SLFN5: variants seen among roughly 807,000 people sequenced by gnomAD.
SLFN5 encodes schlafen family member 5.
Under a neutral mutation model 48.5 loss-of-function variants are expected in SLFN5, and 34 were observed. The observed-to-expected ratio is 0.70, with a 90% CI of 0.53 to 0.93. The LOEUF is 0.93. SLFN5 is among the 40% of genes least tolerant of loss of function. SLFN5 has a pLI of 0.00. For missense variants in SLFN5, 1,006 were observed against 1,071.3 expected (o/e 0.94, Z 0.85); for synonymous variants, 387 against 396.2 (o/e 0.98, Z 0.28).
intron 3 of SLFN5, among the ~76,000 whole-genome samples, chr17:35,262,262 C>T (rs912641664): frequency 6.6e-6 from 1 of 151,560 alleles, no homozygotes; most frequent in Non-Finnish European, 1.5e-5. Flanking sequence ...CGCCTGTGGT[C>T]CCAGCTCCTC....
At chr17:35,262,438 T>C (rs944751873) in intron 3 of SLFN5, among the ~76,000 whole-genome samples, 1 of 151,778 alleles carries the variant, frequency 6.6e-6, no homozygotes, top group Non-Finnish European at 1.5e-5. Flanking sequence ...AATAATTACT[T>C]GTAACTTTAG....
At position 35,271,560 on chromosome 17, in the gene SLFN5, T is replaced by C. The variant is rs1023902213; in HGVS notation, c.*5672T>C. 1.3e-5 allele frequency: 2 copies of C among 152,068 alleles called. No individual in the cohort carries two copies. Among genetic ancestry groups the C allele is most frequent in the African/African-American group, 4.8e-5 (2 of 41,422 alleles). The allele number at this position is 152,068 out of a possible 1,614,324, so 9.4% of individuals were successfully genotyped here. On this transcript the variant is annotated 3_prime_UTR_variant, in exon 5 of 5. Coordinates refer to ENST00000299977, the MANE Select transcript of SLFN5 (RefSeq NM_144975.4). ...TATAAGTTCTGCAACAATAAAACTATACAATGAAACTAAAGAGCACAAAAA... is the reference window on the plus strand; with the variant it reads ...TATAAGTTCTGCAACAATAAAACTACACAATGAAACTAAAGAGCACAAAAA...
intron 2 of SLFN5, among the ~76,000 whole-genome samples, chr17:35,260,076 A>G (rs1904476731): frequency 6.6e-6 from 1 of 152,168 alleles, no homozygotes; most frequent in South Asian, 2.1e-4. Flanking sequence ...TCACATGTAC[A>G]GATGTGTCCA....
intron 3 of SLFN5, among the ~76,000 whole-genome samples, chr17:35,263,449 CCT>C (rs1904578584): frequency 6.6e-6 from 1 of 152,040 alleles, no homozygotes; most frequent in African/African-American, 2.4e-5. Context: ...GTTTCTTGTC[CCT>C]GAGTGTTAGT....
intron 1 of SLFN5, among the ~76,000 whole-genome samples, chr17:35,247,338 C>T (rs1026146446): frequency 2.0e-5 from 3 of 152,180 alleles, no homozygotes; most frequent in Non-Finnish European, 4.4e-5. Context: ...GTGATGATGG[C>T]GGCTGACTCC....
chr17:35,261,931 G>A (rs552479546), intron 3 of SLFN5, among the ~76,000 whole-genome samples: 56 of 135,728 alleles, frequency 4.1e-4, no homozygotes, highest in African/African-American at 1.4e-3. Context: ...CACCCACCTC[G>A]GCCTCCCAAA....
At chr17:35,252,255 C>T (rs541272003) in intron 1 of SLFN5, among the ~76,000 whole-genome samples, 2 of 152,132 alleles carry the variant, frequency 1.3e-5, no homozygotes, top group South Asian at 4.2e-4. Flanking sequence ...TCTTGTAAGA[C>T]CCTATCTGTA....
chr17:35,258,189 T>C (rs1177974413), intron 1 of SLFN5, among the ~76,000 whole-genome samples: 2 of 152,206 alleles, frequency 1.3e-5, no homozygotes, highest in Non-Finnish European at 1.5e-5. Flanking sequence ...GGGAATTTCA[T>C]TCATCCATTT....
chr17:35,266,175 T>C lies in SLFN5; in HGVS notation c.*287T>C, dbSNP rs201494837. 0.039 allele frequency: 7,755 copies of C among 200,574 alleles called. 434 individuals are homozygous for C. Among genetic ancestry groups the C allele is most frequent in the African/African-American group, 0.17 (5,751 of 33,532 alleles). 12.4% of individuals were successfully genotyped at this position (200,574 alleles called of 1,614,324 possible). On this transcript the variant is annotated 3_prime_UTR_variant, in exon 5 of 5. Coordinates refer to ENST00000299977, the MANE Select transcript of SLFN5 (RefSeq NM_144975.4). ...GTGTGTGTGTGTGTGTGTGTGTGTGTGTGCGCGCGCGCACGTGCACATGTG... is the reference window on the plus strand; with the variant it reads ...GTGTGTGTGTGTGTGTGTGTGTGTGCGTGCGCGCGCGCACGTGCACATGTG...
intron 3 of SLFN5, among the ~76,000 whole-genome samples, chr17:35,263,593 C>T (rs1472053226): frequency 6.6e-6 from 1 of 151,804 alleles, no homozygotes. Flanking sequence ...GAGGCCCAGG[C>T]GGGCAGATCA....
intron 1 of SLFN5, among the ~76,000 whole-genome samples, chr17:35,250,466 C>T (rs947433759): frequency 6.6e-6 from 1 of 152,196 alleles, no homozygotes; most frequent in African/African-American, 2.4e-5. Context: ...ACCATCCTGG[C>T]TAAAACGGTG....
chr17:35,252,748 T>C (rs1449972498), intron 1 of SLFN5, among the ~76,000 whole-genome samples: 1 of 152,166 alleles, frequency 6.6e-6, no homozygotes, highest in African/African-American at 2.4e-5. Flanking sequence ...GAGAGTAGCC[T>C]AGTCCCTAGT....
In SLFN5 at chr17:35,265,230, G is replaced by A. The variant is rs748405351; in HGVS notation, c.2018G>A (p.Arg673Lys). The A allele has an allele frequency of 6.2e-7, 1 of 1,614,212 alleles. No homozygotes were observed. Among genetic ancestry groups the A allele is most frequent in the Non-Finnish European group, 8.5e-7 (1 of 1,180,040 alleles). Residue 673 changes from arginine to lysine, a missense_variant, in exon 5 of 5, where the codon AGG becomes AAG. Transcript: ENST00000299977. ...GCAAAGTTCATCACTCAGACAGCAA[G>A]GGATGGCCCAGGAGTTCTCTGGATC... Reference protein sequence around the residue: ...GKAKFITQTARDGPGVLWIFL... With the variant: ...GKAKFITQTAKDGPGVLWIFL...
At chr17:35,244,997 A>G (rs1388553458) in intron 1 of SLFN5, among the ~76,000 whole-genome samples, 2 of 152,168 alleles carry the variant, frequency 1.3e-5, no homozygotes, top group Admixed American at 1.3e-4. Context: ...CTGATTATGA[A>G]AATTCACACG....
Position 35,266,160 on chromosome 17 carries a change from G to T in SLFN5, c.*272G>T, listed in dbSNP as rs1904682507. ...CTCAGAGATGTGTGTGTGTGTGTGTGTGTGTGTGTGTGTGTGTGCGCGCGC... is the reference window on the plus strand; with the variant it reads ...CTCAGAGATGTGTGTGTGTGTGTGTTTGTGTGTGTGTGTGTGTGCGCGCGC... On this transcript the variant is annotated 3_prime_UTR_variant, in exon 5 of 5. Transcript: ENST00000299977. The T allele has an allele frequency of 3.6e-6, 1 of 275,230 alleles. No homozygotes were observed. The highest frequency in any genetic ancestry group is 6.7e-6 in the Non-Finnish European group (1 of 148,516). The allele number at this position is 275,230 out of a possible 1,614,324, so 17.0% of individuals were successfully genotyped here.
chr17:35,273,151 T>C lies in SLFN5; in HGVS notation c.*7263T>C, dbSNP rs1053626134. On this transcript the variant is annotated 3_prime_UTR_variant, in exon 5 of 5. Coordinates refer to ENST00000299977, the MANE Select transcript of SLFN5 (RefSeq NM_144975.4). ...AAAAAAGAGAGATCTCTATATGTAT[T>C]GATGGGGGACCATCTTTAAGATATA... The C allele has an allele frequency of 1.3e-5, 2 of 152,224 alleles. No homozygotes were observed. Among genetic ancestry groups the C allele is most frequent in the Non-Finnish European group, 2.9e-5 (2 of 68,034 alleles). The allele number at this position is 152,224 out of a possible 1,614,324, so 9.4% of individuals were successfully genotyped here. A position where few individuals can be genotyped will look rare whatever the true frequency, so the allele number is the denominator to read the frequency against.
intron 3 of SLFN5, 134 bp from the exon 4 acceptor site, chr17:35,264,049 C>G: frequency 9.1e-7 from 1 of 1,098,180 alleles, no homozygotes. Context: ...AATTGTTTAT[C>G]TTTTTATTAC....
rs972198461 is a variant in SLFN5, at chr17:35,258,723, T to C, written c.33T>C (p.Phe11=). The C allele has an allele frequency of 1.2e-6, 2 of 1,613,860 alleles. No individual in the cohort carries two copies. The highest frequency in any genetic ancestry group is 1.3e-5 in the African/African-American group (1 of 74,888). Reference sequence around the variant, plus strand: ...TTAGGATTGATGTGGATACAAACTTTCCTGAGTGTGTTGTAGATGCAGGAA... The same window carrying C: ...TTAGGATTGATGTGGATACAAACTTCCCTGAGTGTGTTGTAGATGCAGGAA... MSLRIDVDTN[F]PECVVDAGKV... The change falls in exon 2 of 5, where the codon TTT becomes TTC. Residue 11 remains phenylalanine (F), a synonymous_variant. Coordinates refer to ENST00000299977, the MANE Select transcript of SLFN5 (RefSeq NM_144975.4).
chr17:35,254,309 G>A (rs1182904553), intron 1 of SLFN5, among the ~76,000 whole-genome samples: 9 of 152,204 alleles, frequency 5.9e-5, no homozygotes, highest in African/African-American at 1.4e-4. Flanking sequence ...TCTGTCCACC[G>A]AAGCCTGCTG....
Sources: allele counts gnomAD v4.1 joint callset (sites outside exome capture counted in the v4.1 genomes callset), GRCh38; gene constraint gnomAD v4.1.1; transcripts MANE v1.5; gene names NCBI Gene and HGNC (gene_info 2026-07-23, HGNC 2026-07-21).